HMGCLL1: variants seen among roughly 807,000 people sequenced by gnomAD.
HMGCLL1 encodes 3-hydroxymethyl-3-methylglutaryl-CoA lyase, cytoplasmic.
A neutral mutation model predicts 39.1 loss-of-function variants in HMGCLL1; 36 were observed. The ratio of observed to expected loss-of-function variants is 0.92; its 90% confidence interval spans 0.71 to 1.22. The LOEUF (loss-of-function observed/expected upper bound fraction) is 1.22, where lower values mean the gene tolerates loss of function less well. Among genes scored for constraint, HMGCLL1 ranks in the 50% most tolerant of loss-of-function variants. HMGCLL1 has a pLI of 0.00. For missense variants in HMGCLL1, 451 were observed against 416.5 expected (o/e 1.08, Z -0.72); for synonymous variants, 149 against 144.0 (o/e 1.03, Z -0.25).
At chr6:55,541,136 C>G (rs1769411176) in intron 3 of HMGCLL1, among the ~76,000 whole-genome samples, 1 of 152,050 alleles carries the variant, frequency 6.6e-6, no homozygotes, top group Non-Finnish European at 1.5e-5. Context: ...TTTCAAAGAT[C>G]AGAGTCAAGT....
At chr6:55,470,207 C>T (rs868340009) in intron 7 of HMGCLL1, among the ~76,000 whole-genome samples, 17 of 151,872 alleles carry the variant, frequency 1.1e-4, no homozygotes, top group Admixed American at 5.9e-4. Flanking sequence ...TTTCTCACAT[C>T]GCACTATAAT....
chr6:55,484,763 T>C (rs1765927329), intron 7 of HMGCLL1, among the ~76,000 whole-genome samples: 1 of 152,104 alleles, frequency 6.6e-6, no homozygotes, highest in Non-Finnish European at 1.5e-5. Context: ...ATGCAAACCA[T>C]CATTATTTGT....
intron 1 of HMGCLL1, among the ~76,000 whole-genome samples, chr6:55,546,820 T>C (rs138938342): frequency 1.7e-4 from 26 of 152,208 alleles, no homozygotes; most frequent in Non-Finnish European, 3.2e-4. Context: ...TATATCCTGT[T>C]TAATGTGCAG....
At chr6:55,676,380 A>G in the HMGCLL1 span, among the ~76,000 whole-genome samples, 2 of 152,142 alleles carry the variant, frequency 1.3e-5, no homozygotes, top group African/African-American at 2.4e-5. Context: ...GCATACCAAA[A>G]CAGGTCAATA....
intron 7 of HMGCLL1, among the ~76,000 whole-genome samples, chr6:55,468,157 A>G (rs1372949889): frequency 1.3e-5 from 2 of 152,058 alleles, no homozygotes; most frequent in African/African-American, 4.8e-5. Flanking sequence ...TAAGGTTGCA[A>G]TGAAGCCACT....
In HMGCLL1 at chr6:55,456,245, A is replaced by T. The variant is rs192640754; in HGVS notation, c.796-16686T>A. ...TGGTGTTGTAGCAAAGCTGCCAAGT[A>T]CCACTAGGCTTACAAAAGCTCCTGT... On this transcript the variant is annotated intron_variant, in intron 7 of 8. Coordinates refer to ENST00000274901, the MANE Select transcript of HMGCLL1 (RefSeq NM_001042406.2). 1.0e-3 allele frequency among the ~76,000 whole-genome samples: 159 copies of T among 152,356 alleles called. 1 individual carries two copies. The highest frequency in any genetic ancestry group is 3.7e-3 in the African/African-American group (155 of 41,582).
chr6:55,667,536 TC>T, the HMGCLL1 span, among the ~76,000 whole-genome samples: 1 of 151,762 alleles, frequency 6.6e-6, no homozygotes. Context: ...GGAGGCTTTT[TC>T]ACATCAGAGT....
At chr6:55,577,237 T>A (rs563051559) in intron 1 of HMGCLL1, 1 of 612,930 alleles carries the variant, frequency 1.6e-6, no homozygotes, top group Non-Finnish European at 2.0e-6. Context: ...TACGATAAGA[T>A]AGAAAAAATC....
the HMGCLL1 span, among the ~76,000 whole-genome samples, chr6:55,641,893 T>C: frequency 6.8e-6 from 1 of 147,176 alleles, no homozygotes; most frequent in Non-Finnish European, 1.5e-5. Flanking sequence ...TTTATTTATT[T>C]ATTTATTTAT....
chr6:55,513,252 TGA>T (rs1200713865), intron 5 of HMGCLL1: 1 of 152,120 alleles, frequency 6.6e-6, no homozygotes, highest in African/African-American at 2.4e-5. Flanking sequence ...TCTAAACTCC[TGA>T]GAGAGAAAAT....
chr6:55,476,340 G>GTCATT (rs143188287), intron 7 of HMGCLL1, among the ~76,000 whole-genome samples: 2,143 of 151,648 alleles, frequency 0.014, 54 homozygotes, highest in African/African-American at 0.05. Context: ...TTGGAAGTGT[G>GTCATT]TCATTTCATT....
Position 55,484,735 on chromosome 6 carries a change from C to T in HMGCLL1, c.795+10684G>A, listed in dbSNP as rs183715906. ...ATATACTTAGAATATGCTCACCACC[C>T]CTATAGTTACCACATTTATGCAAAC... is the stretch of plus-strand genomic sequence containing the variant. On this transcript the variant is annotated intron_variant, in intron 7 of 8. Transcript: ENST00000274901. Among the ~76,000 whole-genome samples the T allele has an allele frequency of 5.9e-5, 9 of 151,952 alleles. No individual in the cohort carries two copies. The East Asian group carries it at 1.6e-3, about 26-fold the overall frequency.
At chr6:55,662,845 T>A in the HMGCLL1 span, among the ~76,000 whole-genome samples, 1 of 151,658 alleles carries the variant, frequency 6.6e-6, no homozygotes, top group African/African-American at 2.4e-5. Flanking sequence ...GGTAGGCTAT[T>A]TATTACTGAT....
At chr6:55,439,821 C>T (rs772994118) in intron 7 of HMGCLL1, 26 of 321,786 alleles carry the variant, frequency 8.1e-5, no homozygotes, top group Non-Finnish European at 1.3e-4. Flanking sequence ...TGGTGTTGTT[C>T]GTTGGTAACA....
chr6:55,658,739 T>G, the HMGCLL1 span, among the ~76,000 whole-genome samples: 1 of 151,948 alleles, frequency 6.6e-6, no homozygotes, highest in Non-Finnish European at 1.5e-5. Context: ...TAATAAATGA[T>G]AAGTAAAAAT....
intron 6 of HMGCLL1, among the ~76,000 whole-genome samples, chr6:55,496,407 T>C (rs920268529): frequency 1.2e-4 from 19 of 152,168 alleles, no homozygotes; most frequent in South Asian, 2.1e-4. Flanking sequence ...TACTGAATCA[T>C]AACTGCATAA....
At chr6:55,467,903 C>A (rs1280123509) in intron 7 of HMGCLL1, among the ~76,000 whole-genome samples, 1 of 151,924 alleles carries the variant, frequency 6.6e-6, no homozygotes, top group Non-Finnish European at 1.5e-5. Context: ...AGGTGAGGTG[C>A]CATGTGGTAC....
chr6:55,456,111 C>A (rs1454238995), intron 7 of HMGCLL1, among the ~76,000 whole-genome samples: 2 of 152,054 alleles, frequency 1.3e-5, no homozygotes, highest in Non-Finnish European at 2.9e-5. Flanking sequence ...AGATGGCATA[C>A]AACCATGATG....
At chr6:55,476,920 C>G (rs945211098) in intron 7 of HMGCLL1, among the ~76,000 whole-genome samples, 10 of 145,868 alleles carry the variant, frequency 6.9e-5, no homozygotes, top group African/African-American at 1.1e-4. Flanking sequence ...TAACATCACA[C>G]GGGGCCTCTA....
Sources: allele counts gnomAD v4.1 joint callset (sites outside exome capture counted in the v4.1 genomes callset), GRCh38; gene constraint gnomAD v4.1.1; transcripts MANE v1.5; gene names NCBI Gene and HGNC (gene_info 2026-07-23, HGNC 2026-07-21).